The following SEH1L variants were observed in gnomAD, a reference collection of about 807,000 sequenced individuals.
The protein encoded by SEH1L is nucleoporin SEH1.
Under a neutral mutation model 49.5 loss-of-function variants are expected in SEH1L, and 18 were observed. That is an observed-to-expected ratio of 0.36 (90% CI 0.25 to 0.54). SEH1L has a LOEUF of 0.54. Among genes scored for constraint, SEH1L ranks in the 20% least tolerant of loss-of-function variants. The pLI, the probability that SEH1L is intolerant of heterozygous loss-of-function variation, is 0.87. For synonymous variants in SEH1L, 169 were observed against 178.1 expected (o/e 0.95, Z 0.41); for missense variants, 404 against 528.8 (o/e 0.76, Z 2.31).
In SEH1L at chr18:12,958,064, C is replaced by CTTTTTTT. The variant is rs57733399; in HGVS notation, c.309+2486_309+2492dup. 8.2e-4 allele frequency among the ~76,000 whole-genome samples: 51 copies of CTTTTTTT among 62,044 alleles called. 8 individuals are homozygous for CTTTTTTT. The highest frequency in any genetic ancestry group is 1.1e-3 in the Non-Finnish European group (39 of 35,690). The allele number at this position is 62,044 out of a possible 152,430, so 40.7% of individuals were successfully genotyped here. A position where few individuals can be genotyped will look rare whatever the true frequency, so the allele number is the denominator to read the frequency against. ...TATAACATAATATTCCTCATTTTAA[C>CTTTTTTT]TTTTTTTTTTTTTTTTTTTTTTTTT... On this transcript the variant is annotated intron_variant, in intron 3 of 8. Transcript: ENST00000399892.
chr18:12,985,120 C>A, intron 8 of SEH1L: 1 of 1,064,682 alleles, frequency 9.4e-7, no homozygotes, highest in South Asian at 1.5e-5. Flanking sequence ...GCCTGTACTG[C>A]ATATTTTCTT....
chr18:12,982,775 AC>A, intron 7 of SEH1L, 100 bp downstream of exon 7: 1 of 914,910 alleles, frequency 1.1e-6, no homozygotes, highest in South Asian at 2.0e-5. Flanking sequence ...ATGGTCTTTT[AC>A]AGTTACTTTT....
chr18:12,961,981 G>A (rs987810241), intron 3 of SEH1L, among the ~76,000 whole-genome samples: 3 of 152,134 alleles, frequency 2.0e-5, no homozygotes, highest in Non-Finnish European at 4.4e-5. Flanking sequence ...GATGTTTTTA[G>A]TAAAGTTTCA....
At chr18:12,955,960 G>T in intron 3 of SEH1L, among the ~76,000 whole-genome samples, 1 of 150,746 alleles carries the variant, frequency 6.6e-6, no homozygotes. Flanking sequence ...AGCCTCCTGA[G>T]TTGCTGAGAT....
chr18:12,973,327 TCTCA>T (rs2031780445), intron 5 of SEH1L: 2 of 148,932 alleles, frequency 1.3e-5, no homozygotes, highest in African/African-American at 5.0e-5. Flanking sequence ...TTTTTGAGAG[TCTCA>T]CTCTGTCACC....
chr18:12,955,878 T>C (rs1379619035), intron 3 of SEH1L, among the ~76,000 whole-genome samples: 4 of 152,154 alleles, frequency 2.6e-5, no homozygotes, highest in African/African-American at 9.7e-5. Context: ...CCTATTAGTA[T>C]ATTTTATGAT....
At chr18:12,952,340 C>T (rs1163195740) in intron 2 of SEH1L, among the ~76,000 whole-genome samples, 1 of 150,408 alleles carries the variant, frequency 6.6e-6, no homozygotes, top group Non-Finnish European at 1.5e-5. Flanking sequence ...TCAAGTGATT[C>T]TTCTGCCTCA....
intron 4 of SEH1L, among the ~76,000 whole-genome samples, chr18:12,970,622 A>C (rs1056556526): frequency 1.3e-5 from 2 of 152,030 alleles, no homozygotes; most frequent in African/African-American, 4.8e-5. Flanking sequence ...ATAGAGTCTT[A>C]TTATGTGGCC....
rs554886753 is a variant in SEH1L, at chr18:12,981,850, A to ATTTT, written c.762-644_762-641dup. On this transcript the variant is annotated intron_variant, in intron 6 of 8. Transcript: ENST00000399892. ...TTCTTTCCTACTTGCTGCCCTGCCC[A>ATTTT]TTTTTTTTTTTTTTTTTTTTTTTTT... Among the ~76,000 whole-genome samples the ATTTT allele has an allele frequency of 2.4e-3, 212 of 88,180 alleles. 38 individuals carry two copies. Among genetic ancestry groups the ATTTT allele is most frequent in the African/African-American group, 9.2e-3 (161 of 17,566 alleles). The allele number at this position is 88,180 out of a possible 152,430, so 57.8% of individuals were successfully genotyped here.
intron 4 of SEH1L, chr18:12,964,294 T>G (rs2031332258): frequency 6.6e-6 from 1 of 152,232 alleles, no homozygotes; most frequent in African/African-American, 2.4e-5. Flanking sequence ...TCAATAGTTC[T>G]GTTTTCAGAC....
intron 4 of SEH1L, among the ~76,000 whole-genome samples, chr18:12,970,951 G>A (rs1383638535): frequency 6.6e-6 from 1 of 152,156 alleles, no homozygotes; most frequent in Non-Finnish European, 1.5e-5. Context: ...CATAAGGATG[G>A]AATCTTCAGT....
At chr18:12,978,680 T>G in intron 5 of SEH1L, 72 bp from the exon 6 acceptor site, 3 of 1,268,318 alleles carry the variant, frequency 2.4e-6, no homozygotes, top group African/African-American at 1.5e-5. Context: ...GAAAAAAAGG[T>G]GAGATGCAGT....
intron 3 of SEH1L, 73 bp from the exon 4 acceptor site, chr18:12,963,070 TTCTGTGTGATTCCAGAG>T (rs2031268255): frequency 7.8e-6 from 7 of 897,342 alleles, no homozygotes; most frequent in Non-Finnish European, 1.2e-5. Flanking sequence ...ATAGAGGAGT[TTCTGTGTGATTCCAGAG>T]TCTGTGTGTC....
chr18:12,950,797 C>A (rs112386420), intron 1 of SEH1L, among the ~76,000 whole-genome samples: 7 of 152,168 alleles, frequency 4.6e-5, no homozygotes, highest in African/African-American at 1.7e-4. Context: ...TTATTGTAAT[C>A]TATATTTTTT....
chr18:12,958,521 C>G (rs1476745911), intron 3 of SEH1L, among the ~76,000 whole-genome samples: 2 of 152,064 alleles, frequency 1.3e-5, no homozygotes, highest in Non-Finnish European at 2.9e-5. Flanking sequence ...AGAATGCCTC[C>G]CCCTTCCTCC....
chr18:12,948,367 G>A (rs890083319), intron 1 of SEH1L, 135 bp downstream of exon 1: 3 of 654,494 alleles, frequency 4.6e-6, no homozygotes, highest in African/African-American at 1.9e-5. Context: ...AGCCCTGGCT[G>A]GACTGAGCGG....
intron 3 of SEH1L, among the ~76,000 whole-genome samples, chr18:12,960,890 G>C (rs986615402): frequency 6.6e-6 from 1 of 152,220 alleles, no homozygotes; most frequent in African/African-American, 2.4e-5. Flanking sequence ...ATAAGGCAGA[G>C]TAAGAGACTA....
In SEH1L at chr18:12,986,712, A is replaced by G. The variant is rs2032470436; in HGVS notation, c.1071-150A>G. The G allele has an allele frequency of 5.4e-6, 7 of 1,290,130 alleles. No individual in the cohort carries two copies. The South Asian group carries it at 7.4e-5, about 14-fold the overall frequency. 79.9% of individuals were successfully genotyped at this position (1,290,130 alleles called of 1,614,324 possible). ...GCTATTATGTTCTGTTAGTTTTGGC[A>G]TGAATATACTAAAGCTTTTTTTTTT... On this transcript the variant is annotated intron_variant, in intron 8 of 8. Transcript: ENST00000399892.
chr18:12,981,400 C>G (rs574839822), intron 6 of SEH1L, among the ~76,000 whole-genome samples: 151 of 152,334 alleles, frequency 9.9e-4, no homozygotes, highest in African/African-American at 3.4e-3. Context: ...CCACTGCACT[C>G]CAGCCTGGGC....
Sources: allele counts gnomAD v4.1 joint callset (sites outside exome capture counted in the v4.1 genomes callset), GRCh38; gene constraint gnomAD v4.1.1; transcripts MANE v1.5; gene names NCBI Gene and HGNC (gene_info 2026-07-23, HGNC 2026-07-21).